The following MYPN variants were observed in gnomAD, a reference collection of about 807,000 sequenced individuals.
The protein encoded by MYPN is myopalladin.
Under a neutral mutation model 129.4 loss-of-function variants are expected in MYPN, and 63 were observed. The ratio of observed to expected loss-of-function variants is 0.49; its 90% CI spans 0.40 to 0.60. The LOEUF is 0.60. MYPN is among the 20% of genes least tolerant of loss of function. The pLI, the probability that MYPN is intolerant of heterozygous loss-of-function variation, is 0.00. For missense variants in MYPN, 1,596 were observed against 1,635.4 expected, an observed-to-expected ratio of 0.98 and a Z score of 0.42; for synonymous variants, 629 against 600.9, an observed-to-expected ratio of 1.05 and a Z score of -0.68.
upstream of MYPN, chr10:68,106,224 G>T (rs1317420960): frequency 2.2e-6 from 1 of 448,666 alleles, no homozygotes; most frequent in Non-Finnish European, 4.5e-6. Context: ...TTTTAAAGTG[G>T]GTGTTCTGTT....
intron 16 of MYPN, among the ~76,000 whole-genome samples, chr10:68,197,745 A>G (rs2134291864): frequency 6.6e-6 from 1 of 152,286 alleles, no homozygotes; most frequent in East Asian, 1.9e-4. Context: ...GAAGACAACC[A>G]AAGAGGTGAT....
At chr10:68,122,429 C>A in intron 2 of MYPN, 89 bp downstream of exon 2, 1 of 1,376,572 alleles carries the variant, frequency 7.3e-7, no homozygotes, top group Non-Finnish European at 1.0e-6. Flanking sequence ...ACCTGGTTTA[C>A]AAAATTATAT....
At position 68,109,626 on chromosome 10, in the gene MYPN, C is replaced by T; in HGVS notation, c.-99C>T. The T allele has an allele frequency of 2.2e-6, 1 of 454,118 alleles. No homozygotes were observed. Among genetic ancestry groups the T allele is most frequent in the South Asian group, 1.6e-5 (1 of 64,478 alleles). The allele number at this position is 454,118 out of a possible 1,614,324, so 28.1% of individuals were successfully genotyped here. ...CAAGGGCGTGAAGAATTTCCCTCTTCTCCTGTGCTTTCATCTAAAAGTTCT... is the reference window on the plus strand; with the variant it reads ...CAAGGGCGTGAAGAATTTCCCTCTTTTCCTGTGCTTTCATCTAAAAGTTCT... On this transcript the variant is annotated 5_prime_UTR_variant, in exon 1 of 20. Transcript: ENST00000358913.
At chr10:68,113,356 T>G (rs934102065) in intron 1 of MYPN, among the ~76,000 whole-genome samples, 4 of 152,214 alleles carry the variant, frequency 2.6e-5, no homozygotes, top group African/African-American at 9.6e-5. Flanking sequence ...CTTTGGTTTT[T>G]TCATGAATGT....
Position 68,188,969 on chromosome 10 carries a change from C to T in MYPN, c.2768C>T (p.Thr923Ile). The T allele has an allele frequency of 1.9e-6, 3 of 1,614,174 alleles. No individual in the cohort carries two copies. The highest frequency in any genetic ancestry group is 2.5e-6 in the Non-Finnish European group (3 of 1,180,028). ...GAAATAGAGTTTCGCTTGGAACGTA[C>T]TCCTGTTGATGAATCAGATGATGAA... Reference protein sequence around the residue: ...MNEIEFRLERTPVDESDDEIQ... With the variant: ...MNEIEFRLERIPVDESDDEIQ... The change falls in exon 13 of 20, where the codon ACT (threonine) becomes ATT (isoleucine). Residue 923 changes from threonine to isoleucine, a missense_variant. Physicochemically the swap from Thr to Ile is moderately conservative, Grantham distance 89 (BLOSUM62 -1). Coordinates refer to ENST00000358913, the MANE Select transcript of MYPN (RefSeq NM_032578.4).
intron 2 of MYPN, among the ~76,000 whole-genome samples, chr10:68,122,882 A>G (rs2042267657): frequency 6.6e-6 from 1 of 152,178 alleles, no homozygotes; most frequent in Non-Finnish European, 1.5e-5. Context: ...AGCCCGGGCA[A>G]CAAGAGCGAA....
In MYPN at chr10:68,199,510, C is replaced by T; in HGVS notation, c.3428C>T (p.Thr1143Ile). The change falls in exon 17 of 20, where the codon ACC becomes ATC. Residue 1143 changes from threonine (T) to isoleucine (I), a missense_variant. By Grantham distance (89) the Thr-to-Ile change is moderately conservative. Transcript: ENST00000358913. ...IDPLTQRDAGTYKCIATNKTG... is the reference protein window; with the variant it reads ...IDPLTQRDAGIYKCIATNKTG... ...CCACTCACTCAGCGCGACGCAGGGACCTATAAGTGCATCGCTACCAACAAA... is the reference window on the plus strand; with the variant it reads ...CCACTCACTCAGCGCGACGCAGGGATCTATAAGTGCATCGCTACCAACAAA... 1 of 1,614,154 alleles carries T rather than the reference C, an allele frequency of 6.2e-7. No homozygotes were observed. The highest frequency in any genetic ancestry group is 8.5e-7 in the Non-Finnish European group (1 of 1,180,032).
At chr10:68,123,573 C>T in intron 2 of MYPN, among the ~76,000 whole-genome samples, 1 of 150,006 alleles carries the variant, frequency 6.7e-6, no homozygotes, top group East Asian at 2.0e-4. Flanking sequence ...GTAGTCCCAG[C>T]TACTTGAGAG....
intron 19 of MYPN, among the ~76,000 whole-genome samples, chr10:68,207,415 A>G (rs1008069441): frequency 6.6e-6 from 1 of 152,138 alleles, no homozygotes; most frequent in Non-Finnish European, 1.5e-5. Flanking sequence ...TATGAGCTTC[A>G]CCTTCTTCCA....
In MYPN at chr10:68,211,310, A is replaced by T; in HGVS notation, c.*855A>T. On this transcript the variant is annotated 3_prime_UTR_variant, in exon 20 of 20. Coordinates refer to ENST00000358913, the MANE Select transcript of MYPN (RefSeq NM_032578.4). ...ACTTACAAAATGTGCAAGAGTCATC[A>T]TTTGCCCATAAAATACACCTCATGG... 2.2e-6 allele frequency: 1 copy of T among 454,058 alleles called. No homozygotes were observed. Among genetic ancestry groups the T allele is most frequent in the Non-Finnish European group, 4.4e-6 (1 of 226,780 alleles). 28.1% of individuals were successfully genotyped at this position (454,058 alleles called of 1,614,324 possible). A position where few individuals can be genotyped will look rare whatever the true frequency, so the allele number is the denominator to read the frequency against.
intron 12 of MYPN, among the ~76,000 whole-genome samples, chr10:68,180,101 G>A (rs914620300): frequency 6.6e-6 from 1 of 152,170 alleles, no homozygotes; most frequent in East Asian, 1.9e-4. Flanking sequence ...TAAGAATTTG[G>A]CAGCAGAGAC....
At chr10:68,166,840 G>A (rs944193468) in intron 10 of MYPN, among the ~76,000 whole-genome samples, 174 bp downstream of exon 10, 2 of 152,090 alleles carry the variant, frequency 1.3e-5, no homozygotes, top group African/African-American at 2.4e-5. Flanking sequence ...ACCAGCCGGG[G>A]AAAAATAGTG....
upstream of MYPN, among the ~76,000 whole-genome samples, chr10:68,103,951 A>G (rs1297811640): frequency 6.6e-6 from 1 of 152,210 alleles, no homozygotes; most frequent in Admixed American, 6.5e-5. Context: ...ACTCTGTCTC[A>G]AACAACAACA....
intron 2 of MYPN, among the ~76,000 whole-genome samples, chr10:68,137,242 C>G (rs2134045117): frequency 6.6e-6 from 1 of 152,244 alleles, no homozygotes; most frequent in Admixed American, 6.5e-5. Context: ...TAATGGAAGA[C>G]AGCTGGATCC....
In MYPN at chr10:68,174,384, A is replaced by C. The variant is rs909867724; in HGVS notation, c.2292A>C (p.Leu764Phe). 1 of 1,614,142 alleles carries C rather than the reference A, an allele frequency of 6.2e-7. No homozygotes were observed. Among genetic ancestry groups the C allele is most frequent in the Non-Finnish European group, 8.5e-7 (1 of 1,180,030 alleles). Residue 764 changes from leucine to phenylalanine, a missense_variant, in exon 11 of 20, where the codon TTA (leucine) becomes TTC (phenylalanine). Transcript: ENST00000358913. ...IQRTVSKESLLVSHPSVQTKS... is the reference protein window; with the variant it reads ...IQRTVSKESLFVSHPSVQTKS... ...GGACAGTGAGCAAAGAAAGCCTCTTAGTGTCTCACCCCTCTGTGCAAACCA... is the reference window on the plus strand; with the variant it reads ...GGACAGTGAGCAAAGAAAGCCTCTTCGTGTCTCACCCCTCTGTGCAAACCA...
intron 19 of MYPN, among the ~76,000 whole-genome samples, chr10:68,209,574 C>T (rs2043871787): frequency 6.6e-6 from 1 of 150,810 alleles, no homozygotes; most frequent in Non-Finnish European, 1.5e-5. Flanking sequence ...ACCCTCTGTA[C>T]ACTGCCCCTA....
intron 13 of MYPN, among the ~76,000 whole-genome samples, chr10:68,192,239 G>A (rs987014928): frequency 6.6e-6 from 1 of 152,142 alleles, no homozygotes; most frequent in South Asian, 2.1e-4. Context: ...TGCTTTTTCA[G>A]TGTCTATTGA....
In MYPN at chr10:68,195,469, G is replaced by A; in HGVS notation, c.3095G>A (p.Gly1032Asp). ...TGTCAGGGGAGAATCAGCTGTTCTG[G>A]CCACTTGATGGTACAAAGTTTGCCC... ...ANPQGRISCS[G>D]HLMVQSLPIR... is the part of the protein sequence containing the mutation. Residue 1032 changes from glycine to aspartate, a missense_variant, in exon 15 of 20, where the codon GGC becomes GAC. Transcript: ENST00000358913. The A allele has an allele frequency of 6.2e-7, 1 of 1,613,896 alleles. No homozygotes were observed. The highest frequency in any genetic ancestry group is 8.5e-7 in the Non-Finnish European group (1 of 1,179,898).
chr10:68,159,352 A>G (rs1168960413), intron 7 of MYPN, among the ~76,000 whole-genome samples: 1 of 152,184 alleles, frequency 6.6e-6, no homozygotes, highest in African/African-American at 2.4e-5. Context: ...ACCTTCACCA[A>G]CAATGAGTGT....
Sources: gnomAD v4.1 joint callset for allele counts (sites outside exome capture counted in the v4.1 genomes callset) on GRCh38, gnomAD v4.1.1 for gene constraint, MANE v1.5 for transcripts, NCBI Gene and HGNC (gene_info 2026-07-23, HGNC 2026-07-21) for gene names.